The following DNAJC1 variants were observed in gnomAD, a reference collection of about 807,000 sequenced individuals.
The protein encoded by DNAJC1 is DnaJ heat shock protein family (Hsp40) member C1, also known as dnaJ homolog subfamily C member 1.
In DNAJC1, 58 loss-of-function variants were observed where a neutral mutation model predicts 76.6. That is an observed-to-expected ratio of 0.76 (90% confidence interval 0.61 to 0.94). DNAJC1 has a LOEUF of 0.94. Ranked by LOEUF, DNAJC1 falls within the 40% of genes least tolerant of loss-of-function variation. The pLI, the probability that DNAJC1 is intolerant of heterozygous loss-of-function variation, is 0.00. For missense variants in DNAJC1, 689 were observed against 677.3 expected (o/e 1.02, Z -0.19); for synonymous variants, 258 against 267.9 (o/e 0.96, Z 0.36).
chr10:21,992,135 A>AC (rs1018926664), intron 1 of DNAJC1, among the ~76,000 whole-genome samples: 16 of 152,070 alleles, frequency 1.1e-4, no homozygotes, highest in Admixed American at 6.5e-4. Flanking sequence ...ATATGGTGAA[A>AC]CCCCGTCTCT....
At chr10:21,919,760 A>G in intron 5 of DNAJC1, 72 bp downstream of exon 5, 3 of 1,014,018 alleles carry the variant, frequency 3.0e-6, no homozygotes, top group Non-Finnish European at 4.4e-6. Context: ...AGACATACAT[A>G]TGAAGTTGAA....
intron 8 of DNAJC1, among the ~76,000 whole-genome samples, chr10:21,868,076 C>CA (rs775127374): frequency 0.024 from 514 of 21,104 alleles, 8 homozygotes; most frequent in Non-Finnish European, 0.039. Context: ...ATTCTGTCTC[C>CA]AAAAAAAAAA....
chr10:21,917,775 G>A (rs1836979254), intron 6 of DNAJC1, among the ~76,000 whole-genome samples: 1 of 151,858 alleles, frequency 6.6e-6, no homozygotes, highest in Non-Finnish European at 1.5e-5. Context: ...CTATTAAGAT[G>A]AACTATTTTG....
In DNAJC1 at chr10:21,919,818, T is replaced by G. The variant is rs1209003833; in HGVS notation, c.635+14A>C. On this transcript the variant is annotated intron_variant, in intron 5 of 11. Transcript: ENST00000376980. ...AACAGCTTCAAATTATAAAGTATTTTTATATGCTCTCACCTTTCATTTTTT... is the reference window on the plus strand; with the variant it reads ...AACAGCTTCAAATTATAAAGTATTTGTATATGCTCTCACCTTTCATTTTTT... 1.9e-6 allele frequency: 3 copies of G among 1,566,934 alleles called. No homozygotes were observed. Among genetic ancestry groups the G allele is most frequent in the African/African-American group, 1.4e-5 (1 of 72,886 alleles).
chr10:21,780,350 G>C (rs913304809), intron 9 of DNAJC1, among the ~76,000 whole-genome samples: 1 of 152,188 alleles, frequency 6.6e-6, no homozygotes, highest in Non-Finnish European at 1.5e-5. Context: ...AGAGAGAAAG[G>C]TTGGGTTACC....
intron 9 of DNAJC1, among the ~76,000 whole-genome samples, chr10:21,790,798 G>T (rs1214493373): frequency 6.7e-6 from 1 of 149,662 alleles, no homozygotes. Context: ...GACATGAGAG[G>T]AAGAAAGGAA....
intron 8 of DNAJC1, among the ~76,000 whole-genome samples, chr10:21,831,346 A>G (rs1835354151): frequency 6.6e-6 from 1 of 152,160 alleles, no homozygotes; most frequent in South Asian, 2.1e-4. Flanking sequence ...AGTGGGTATT[A>G]AAACCCCAGG....
At chr10:21,999,021 A>G (rs1337013643) in intron 1 of DNAJC1, among the ~76,000 whole-genome samples, 1 of 152,222 alleles carries the variant, frequency 6.6e-6, no homozygotes, top group Non-Finnish European at 1.5e-5. Context: ...CAGATTATAG[A>G]GCTTAGAGAG....
intron 9 of DNAJC1, among the ~76,000 whole-genome samples, chr10:21,769,894 C>T: frequency 6.6e-6 from 1 of 152,160 alleles, no homozygotes; most frequent in East Asian, 1.9e-4. Context: ...CCATGTTGGT[C>T]AGGCTGGTCT....
intron 8 of DNAJC1, among the ~76,000 whole-genome samples, chr10:21,877,350 C>T (rs117774487): frequency 0.069 from 10,473 of 151,486 alleles, 476 homozygotes; most frequent in Non-Finnish European, 0.11. Flanking sequence ...AAAAGGCAGA[C>T]TGATTAATAT....
intron 9 of DNAJC1, among the ~76,000 whole-genome samples, chr10:21,795,248 A>G (rs943640806): frequency 6.6e-6 from 1 of 152,244 alleles, no homozygotes; most frequent in Non-Finnish European, 1.5e-5. Flanking sequence ...AATAAGACAA[A>G]TGACCAATTA....
chr10:21,837,340 G>C (rs961871095), intron 8 of DNAJC1, among the ~76,000 whole-genome samples: 11 of 152,148 alleles, frequency 7.2e-5, no homozygotes, highest in Non-Finnish European at 1.3e-4. Context: ...CACCCCGTCT[G>C]AGAAGTGAGA....
At chr10:21,970,093 A>G (rs1026120156) in intron 1 of DNAJC1, among the ~76,000 whole-genome samples, 1 of 152,178 alleles carries the variant, frequency 6.6e-6, no homozygotes, top group African/African-American at 2.4e-5. Context: ...TATTTGTATT[A>G]GCATTTCTCA....
chr10:21,827,731 A>G (rs1589998688), intron 8 of DNAJC1, among the ~76,000 whole-genome samples: 1 of 152,222 alleles, frequency 6.6e-6, no homozygotes, highest in African/African-American at 2.4e-5. Context: ...CTTAACTAAG[A>G]CCCTATTCCC....
chr10:21,763,030 A>T (rs1834259272), intron 10 of DNAJC1, among the ~76,000 whole-genome samples: 1 of 152,126 alleles, frequency 6.6e-6, no homozygotes, highest in Non-Finnish European at 1.5e-5. Context: ...TCCCGGGTTC[A>T]AGTGATTCTC....
intron 9 of DNAJC1, among the ~76,000 whole-genome samples, chr10:21,801,668 C>T (rs1432042860): frequency 2.0e-5 from 3 of 152,082 alleles, no homozygotes; most frequent in Admixed American, 1.3e-4. Flanking sequence ...AATCATTCTA[C>T]CATAAAGACA....
At chr10:21,996,230 C>G (rs1212001435) in intron 1 of DNAJC1, among the ~76,000 whole-genome samples, 2 of 152,172 alleles carry the variant, frequency 1.3e-5, no homozygotes, top group Admixed American at 6.5e-5. Flanking sequence ...GGTATCATTA[C>G]TGTCTAAACA....
At chr10:21,956,152 C>A (rs1454043401) in intron 1 of DNAJC1, among the ~76,000 whole-genome samples, 1 of 152,154 alleles carries the variant, frequency 6.6e-6, no homozygotes, top group Non-Finnish European at 1.5e-5. Context: ...TGCATCATCC[C>A]ATGGCAGAAC....
At chr10:21,770,915 C>T (rs1231883337) in intron 9 of DNAJC1, among the ~76,000 whole-genome samples, 2 of 152,012 alleles carry the variant, frequency 1.3e-5, no homozygotes, top group Non-Finnish European at 2.9e-5. Flanking sequence ...ATCTAAGAAT[C>T]CTCTGCCAAA....
Sources: allele counts gnomAD v4.1 joint callset (sites outside exome capture counted in the v4.1 genomes callset), GRCh38; gene constraint gnomAD v4.1.1; transcripts MANE v1.5; gene names NCBI Gene and HGNC (gene_info 2026-07-23, HGNC 2026-07-21).